The following AIG1 variants were observed in gnomAD, a reference collection of about 807,000 sequenced individuals.
AIG1 encodes the protein androgen-induced gene 1 protein.
In AIG1, 23 loss-of-function variants were observed where a neutral mutation model predicts 31.4. That is an observed-to-expected ratio of 0.73 (90% CI 0.53 to 1.04). The LOEUF (loss-of-function observed/expected upper bound fraction) is 1.04, where lower values mean the gene tolerates loss of function less well. Ranked by LOEUF, AIG1 falls within the 50% of genes least tolerant of loss-of-function variation. AIG1 has a pLI of 0.00. For missense variants in AIG1, 274 were observed against 295.0 expected, an observed-to-expected ratio of 0.93 and a Z score of 0.52; for synonymous variants, 100 against 110.5, an observed-to-expected ratio of 0.90 and a Z score of 0.60.
intron 3 of AIG1, among the ~76,000 whole-genome samples, chr6:143,173,492 C>G (rs1787845284): frequency 6.6e-6 from 1 of 152,170 alleles, no homozygotes; most frequent in Non-Finnish European, 1.5e-5. Context: ...TCTATTTGCA[C>G]TCTTTCAGAC....
At chr6:143,230,220 AGGGGCATAGT>A (rs1283257883) in intron 3 of AIG1, among the ~76,000 whole-genome samples, 2 of 152,134 alleles carry the variant, frequency 1.3e-5, no homozygotes, top group Non-Finnish European at 2.9e-5. Flanking sequence ...AAATGATTTT[AGGGGCATAGT>A]GGGGAATGAT....
chr6:143,341,475 A>G (rs1055042214), downstream of AIG1, among the ~76,000 whole-genome samples: 2 of 152,222 alleles, frequency 1.3e-5, no homozygotes, highest in Non-Finnish European at 2.9e-5. Context: ...GGATTAAGTT[A>G]AAATGAGGCC....
intron 3 of AIG1, among the ~76,000 whole-genome samples, chr6:143,251,987 C>T (rs544844393): frequency 4.6e-5 from 7 of 152,278 alleles, no homozygotes; most frequent in South Asian, 4.1e-4. Context: ...ATTTTCATGC[C>T]GCTTTGTCCC....
At chr6:143,102,028 C>T (rs1445322559) in intron 1 of AIG1, among the ~76,000 whole-genome samples, 1 of 152,098 alleles carries the variant, frequency 6.6e-6, no homozygotes, top group Non-Finnish European at 1.5e-5. Context: ...CTAGCCTATG[C>T]TATTCAGTCT....
intron 3 of AIG1, among the ~76,000 whole-genome samples, chr6:143,283,076 A>G (rs1414892594): frequency 6.6e-6 from 1 of 152,164 alleles, no homozygotes; most frequent in Non-Finnish European, 1.5e-5. Context: ...TGGAAGGTAA[A>G]TATATATCCT....
intron 3 of AIG1, among the ~76,000 whole-genome samples, chr6:143,225,852 T>A (rs1387617303): frequency 6.6e-6 from 1 of 152,216 alleles, no homozygotes; most frequent in African/African-American, 2.4e-5. Flanking sequence ...AGAGGCGAAT[T>A]TGTATATATT....
At chr6:143,217,805 G>A (rs189824181) in intron 3 of AIG1, among the ~76,000 whole-genome samples, 6 of 152,286 alleles carry the variant, frequency 3.9e-5, no homozygotes, top group South Asian at 2.1e-4. Flanking sequence ...CACCACACCC[G>A]ACCACTTTCC....
chr6:143,311,183 G>C (rs1176022567), intron 4 of AIG1, among the ~76,000 whole-genome samples: 3 of 151,840 alleles, frequency 2.0e-5, no homozygotes, highest in African/African-American at 7.2e-5. Context: ...CATGAACATA[G>C]ATGCAAAAAA....
chr6:143,089,720 G>A (rs72988581), intron 1 of AIG1, among the ~76,000 whole-genome samples: 3 of 152,072 alleles, frequency 2.0e-5, no homozygotes, highest in East Asian at 1.9e-4. Context: ...TGGCAAGGGA[G>A]GAAGCAAGAG....
chr6:143,315,572 A>G (rs1230818109), intron 4 of AIG1, among the ~76,000 whole-genome samples: 2 of 152,156 alleles, frequency 1.3e-5, no homozygotes, highest in African/African-American at 2.4e-5. Context: ...CAAGAGAGAA[A>G]GGACATCTTT....
At chr6:143,201,593 G>A (rs1790699288) in intron 3 of AIG1, among the ~76,000 whole-genome samples, 1 of 152,088 alleles carries the variant, frequency 6.6e-6, no homozygotes, top group Non-Finnish European at 1.5e-5. Context: ...CAAGTAGAAG[G>A]GACCCTACGA....
intron 3 of AIG1, among the ~76,000 whole-genome samples, chr6:143,185,886 G>A (rs979088687): frequency 3.9e-5 from 6 of 152,076 alleles, no homozygotes; most frequent in Admixed American, 6.5e-5. Context: ...AACCTAAGCC[G>A]GTACCTATGA....
intron 3 of AIG1, among the ~76,000 whole-genome samples, chr6:143,252,432 A>G (rs1287910438): frequency 1.3e-5 from 2 of 152,172 alleles, no homozygotes; most frequent in Non-Finnish European, 2.9e-5. Context: ...AACGCACAGT[A>G]CAGAAACAGG....
In AIG1 at chr6:143,071,626, C is replaced by T. The variant is rs1777266042; in HGVS notation, c.141+10560C>T. On this transcript the variant is annotated intron_variant, in intron 1 of 5. Coordinates refer to ENST00000357847, the MANE Select transcript of AIG1 (RefSeq NM_016108.4). ...TGTTGTCAATATTTTTAATTTTAGCCATTTTAATTGGTGTATAGTGATATC... is the reference window on the plus strand; with the variant it reads ...TGTTGTCAATATTTTTAATTTTAGCTATTTTAATTGGTGTATAGTGATATC... Among the ~76,000 whole-genome samples the T allele has an allele frequency of 5.9e-5, 9 of 151,524 alleles. No individual in the cohort carries two copies. In the Middle Eastern group the frequency reaches 0.01, roughly 173 times the overall value.
Position 143,060,890 on chromosome 6 carries a change from T to A in AIG1, c.-36T>A. ...CCCGGCGCCTCCCTCACGCCCGCCC[T>A]CCTTGCCGCCCAGCCGGTCCAGGCC... On this transcript the variant is annotated 5_prime_UTR_variant, in exon 1 of 6. Transcript: ENST00000357847. 4 of 1,409,678 alleles carry A rather than the reference T, an allele frequency of 2.8e-6. No homozygotes were observed. Among genetic ancestry groups the A allele is most frequent in the Non-Finnish European group, 3.7e-6 (4 of 1,069,952 alleles). The allele number at this position is 1,409,678 out of a possible 1,614,324, so 87.3% of individuals were successfully genotyped here.
intron 3 of AIG1, among the ~76,000 whole-genome samples, chr6:143,261,083 A>G (rs915979493): frequency 3.3e-5 from 5 of 152,048 alleles, no homozygotes; most frequent in African/African-American, 1.2e-4. Flanking sequence ...TTCCACAAAC[A>G]TCTGATGTTG....
At position 143,279,995 on chromosome 6, in the gene AIG1, T is replaced by C. The variant is rs11155287; in HGVS notation, c.400-4115T>C. Among the ~76,000 whole-genome samples the C allele has an allele frequency of 0.26, 40,101 of 152,136 alleles. 6,117 individuals are homozygous for C. The highest frequency in any genetic ancestry group is 0.74 in the East Asian group (3,837 of 5,180). On this transcript the variant is annotated intron_variant, in intron 3 of 5. Transcript: ENST00000357847. This position sits in a 1 kb window ranked among gnomAD's most constrained non-coding sequence, Gnocchi z 5.4. ...TCCTGGGGAATTGTTCTGTTGACAATGTACTGCAGAAAACAGTCCAAACAA... is the reference window on the plus strand; with the variant it reads ...TCCTGGGGAATTGTTCTGTTGACAACGTACTGCAGAAAACAGTCCAAACAA...
At chr6:143,076,192 A>C (rs189009185) in intron 1 of AIG1, among the ~76,000 whole-genome samples, 7 of 152,152 alleles carry the variant, frequency 4.6e-5, no homozygotes, top group Non-Finnish European at 1.0e-4. Flanking sequence ...GGGTTTGTCT[A>C]TTTCCTAATT....
chr6:143,341,583 A>G (rs1777857479), downstream of AIG1, among the ~76,000 whole-genome samples: 1 of 152,220 alleles, frequency 6.6e-6, no homozygotes, highest in African/African-American at 2.4e-5. Flanking sequence ...CACAGAGGAA[A>G]GACCATGTGA....
Sources: allele counts gnomAD v4.1 joint callset (sites outside exome capture counted in the v4.1 genomes callset), GRCh38; gene constraint gnomAD v4.1.1; non-coding constraint Gnocchi (gnomAD v3.1); transcripts MANE v1.5; gene names NCBI Gene and HGNC (gene_info 2026-07-23, HGNC 2026-07-21).